TRMT44: variants seen among roughly 807,000 people sequenced by gnomAD.
The protein encoded by TRMT44 is tRNA methyltransferase 44 homolog.
In TRMT44, 78 loss-of-function variants were observed where a neutral mutation model predicts 77.3. The ratio of observed to expected loss-of-function variants is 1.01; its 90% CI spans 0.84 to 1.22. The LOEUF (loss-of-function observed/expected upper bound fraction) is 1.22, where lower values mean the gene tolerates loss of function less well. Ranked by LOEUF, TRMT44 falls within the 50% of genes most tolerant of loss-of-function variation. TRMT44 has a pLI of 0.00. For synonymous variants in TRMT44, 391 were observed against 383.3 expected (o/e 1.02, Z -0.23); for missense variants, 1,090 against 964.4 (o/e 1.13, Z -1.73).
chr4:8,463,304 G>A (rs922637548), intron 6 of TRMT44, among the ~76,000 whole-genome samples: 7 of 152,124 alleles, frequency 4.6e-5, no homozygotes, highest in African/African-American at 1.7e-4. Context: ...AATTAGTGAT[G>A]GCCTGCTGAT....
the TRMT44 span, among the ~76,000 whole-genome samples, chr4:8,500,852 A>G: frequency 2.0e-5 from 3 of 152,068 alleles, no homozygotes; most frequent in African/African-American, 7.2e-5. Flanking sequence ...GTAGAGACGG[A>G]GGTTTCACCA....
rs147464222 is a variant in TRMT44, at chr4:8,475,956, G to A, written c.2229G>A (p.Ala743=). Residue 743 remains alanine (A), a synonymous_variant, in exon 11 of 11, where the codon GCG becomes GCA. Transcript: ENST00000389737. ...TDCCPFAHGP[A]ELRPPRTTPR... is the part of the protein sequence containing the mutation. ...GCTGCCCGTTTGCCCATGGGCCTGC[G>A]GAGCTGCGGCCACCCCGGACCACCC... is the stretch of plus-strand genomic sequence containing the variant. 2.6e-4 allele frequency: 419 copies of A among 1,614,102 alleles called. 1 individual carries two copies. Among genetic ancestry groups the A allele is most frequent in the Admixed American group, 5.5e-4 (33 of 60,030 alleles).
chr4:8,512,248 G>A, the TRMT44 span: 1 of 152,112 alleles, frequency 6.6e-6, no homozygotes, highest in African/African-American at 2.4e-5. Context: ...TGTATTTTTA[G>A]TAGAGACAGG....
rs778153091 is a variant in TRMT44 at position 8,465,406 on chromosome 4, C to T, written c.1339C>T (p.Leu447Phe). 2.5e-6 allele frequency: 4 copies of T among 1,613,190 alleles called. No individual in the cohort carries two copies. ...TTCCTACAATTGCCGCTTCTTTGTC[C>T]TCCCCTGCTGCTTCTTTGACTTCAT... The part of the protein sequence containing the change: ...RSSYNCRFFV[L>F]PCCFFDFIGR... Residue 447 changes from leucine (L) to phenylalanine (F), a missense_variant, in exon 8 of 11, where the codon CTC (leucine) becomes TTC (phenylalanine). Transcript: ENST00000389737.
downstream of TRMT44, among the ~76,000 whole-genome samples, chr4:8,495,540 A>G (rs564535183): frequency 2.0e-5 from 3 of 152,350 alleles, no homozygotes; most frequent in Non-Finnish European, 2.9e-5. Context: ...AAGTGGGTCA[A>G]CTAAATACAA....
rs1560237205 is a variant in TRMT44, at chr4:8,468,209, GTGTGAGGAAC to G, written c.1795_1804del (p.Arg599ProfsTer15). On this transcript the variant is annotated frameshift_variant, in exon 9 of 11. Transcript: ENST00000389737. LOFTEE classifies it high-confidence loss of function. The stretch of plus-strand genomic sequence containing the variant: ...TTTCATCCCAGAGAAAAGGCTGAGC[GTGTGAGGAAC>G]TGTGCCGCCCTGCCACGAGATTTTA... The G allele has an allele frequency of 6.2e-7, 1 of 1,614,262 alleles. No homozygotes were observed. The highest frequency in any genetic ancestry group is 2.2e-5 in the East Asian group (1 of 44,888).
At chr4:8,481,067 A>C (rs1487749670), downstream of TRMT44, among the ~76,000 whole-genome samples, 1 of 152,224 alleles carries the variant, frequency 6.6e-6, no homozygotes, top group African/African-American at 2.4e-5. Context: ...AATAGGAAAC[A>C]GTTGTCATCT....
In TRMT44 at chr4:8,444,236, C is replaced by T. The variant is rs981138560; in HGVS notation, c.620-2240C>T. Among the ~76,000 whole-genome samples, 7 of 150,336 alleles carry T rather than the reference C, an allele frequency of 4.7e-5. No individual in the cohort carries two copies. Among genetic ancestry groups the T allele is most frequent in the East Asian group, 2.0e-4 (1 of 5,082 alleles). On this transcript the variant is annotated intron_variant, in intron 1 of 10. Coordinates refer to ENST00000389737, the MANE Select transcript of TRMT44 (RefSeq NM_152544.3). This position sits in a 1 kb window ranked among gnomAD's most constrained non-coding sequence, Gnocchi z 4.0. The stretch of plus-strand genomic sequence containing the variant: ...GTTTAAAAATCAAAACAATGGAACT[C>T]GTGGACATAGAGAGTGGAAGGATGG...
In TRMT44 at chr4:8,449,679, G is replaced by A; in HGVS notation, c.745G>A (p.Val249Ile). ...CTCTTATTTTTAAAGGTTCATATCT[G>A]TTTTAATTTTCTGTCCAGAAAGATG... ...SHSKEEWFISVLIFCPERWHS... is the reference protein window; with the variant it reads ...SHSKEEWFISILIFCPERWHS... Residue 249 changes from valine to isoleucine, a missense_variant, in exon 3 of 11, where the codon GTT becomes ATT. Coordinates refer to ENST00000389737, the MANE Select transcript of TRMT44 (RefSeq NM_152544.3). 2 of 1,535,448 alleles carry A rather than the reference G, an allele frequency of 1.3e-6. No homozygotes were observed. The highest frequency in any genetic ancestry group is 1.2e-5 in the South Asian group (1 of 84,014).
At chr4:8,498,897 C>T in the TRMT44 span, among the ~76,000 whole-genome samples, 4 of 152,118 alleles carry the variant, frequency 2.6e-5, no homozygotes, top group Non-Finnish European at 5.9e-5. The surrounding 1 kb of genome is among the most constrained non-coding windows in gnomAD (Gnocchi z 4.3). Context: ...CTATATTTGT[C>T]GGGGACTGGT....
At position 8,446,711 on chromosome 4, in the gene TRMT44, G is replaced by C; in HGVS notation, c.734+121G>C. 1.6e-6 allele frequency: 1 copy of C among 643,856 alleles called. No homozygotes were observed. Among genetic ancestry groups the C allele is most frequent in the Non-Finnish European group, 2.6e-6 (1 of 385,312 alleles). 39.9% of individuals were successfully genotyped at this position (643,856 alleles called of 1,614,324 possible). ...GTCTCTGAGGTGGTTATGGTTTGTA[G>C]GAATGCAGTTGCTAGCTTATGTGCC... is the stretch of plus-strand genomic sequence containing the variant. On this transcript the variant is annotated intron_variant, in intron 2 of 10. Coordinates refer to ENST00000389737, the MANE Select transcript of TRMT44 (RefSeq NM_152544.3). This position sits in a 1 kb window ranked among gnomAD's most constrained non-coding sequence, Gnocchi z 4.3.
chr4:8,467,844 G>C, intron 8 of TRMT44, 70 bp from the exon 9 acceptor site: 3 of 1,454,728 alleles, frequency 2.1e-6, no homozygotes, highest in Non-Finnish European at 2.8e-6. Context: ...TCCAGGATGA[G>C]AGAATTCCAT....
chr4:8,451,995 G>C lies in TRMT44; in HGVS notation c.990G>C (p.Val330=). Residue 330 remains valine (V), a synonymous_variant, in exon 4 of 11, where the codon GTG becomes GTC. Transcript: ENST00000389737. The surrounding 1 kb of genome is among the most constrained non-coding windows in gnomAD (Gnocchi z 4.1). ...AAGTCACTGATCCTGAGAAGTTCGT[G>C]TATGAAGATGTGGCTATCGCAGCAT... ...WPEVTDPEKF[V]YEDVAIAAYL... is the part of the protein sequence containing the mutation. 1 of 1,536,792 alleles carries C rather than the reference G, an allele frequency of 6.5e-7. No homozygotes were observed. The highest frequency in any genetic ancestry group is 8.7e-7 in the Non-Finnish European group (1 of 1,147,046).
chr4:8,462,271 T>C (rs1461637437), intron 6 of TRMT44, among the ~76,000 whole-genome samples: 1 of 151,850 alleles, frequency 6.6e-6, no homozygotes, highest in African/African-American at 2.4e-5. Flanking sequence ...ATTAGCCAGG[T>C]GAGATGGCGC....
chr4:8,482,841 C>T (rs1173647664), intron 2 of TRMT44, among the ~76,000 whole-genome samples: 5 of 142,914 alleles, frequency 3.5e-5, no homozygotes, highest in East Asian at 2.1e-4. Context: ...AGAGGCCTGA[C>T]ATTCCTGCCT....
chr4:8,508,608 G>A, the TRMT44 span, among the ~76,000 whole-genome samples: 1 of 152,238 alleles, frequency 6.6e-6, no homozygotes, highest in African/African-American at 2.4e-5. Flanking sequence ...CTTCATGGCC[G>A]GGGTCTGGCT....
intron 6 of TRMT44, among the ~76,000 whole-genome samples, chr4:8,459,505 T>C (rs563854586): frequency 6.6e-6 from 1 of 152,340 alleles, no homozygotes; most frequent in South Asian, 2.1e-4. Context: ...TACTCAGCTC[T>C]TCTGTTCTTG....
At chr4:8,473,887 A>C (rs1327638060) in intron 10 of TRMT44, among the ~76,000 whole-genome samples, 1 of 151,954 alleles carries the variant, frequency 6.6e-6, no homozygotes, top group Non-Finnish European at 1.5e-5. Context: ...AGACACGGGG[A>C]GTGGGTCAGT....
In TRMT44 at chr4:8,475,968, A is replaced by T. The variant is rs919510176; in HGVS notation, c.2241A>T (p.Pro747=). 6.2e-7 allele frequency: 1 copy of T among 1,613,824 alleles called. No individual in the cohort carries two copies. Among genetic ancestry groups the T allele is most frequent in the African/African-American group, 1.3e-5 (1 of 74,888 alleles). ...CCCATGGGCCTGCGGAGCTGCGGCC[A>T]CCCCGGACCACCCCGAGGAAGAAGA... ...PFAHGPAELR[P]PRTTPRKKIS is the part of the protein sequence containing the mutation. The change falls in exon 11 of 11, where the codon CCA becomes CCT. Residue 747 remains proline (P), a synonymous_variant. Coordinates refer to ENST00000389737, the MANE Select transcript of TRMT44 (RefSeq NM_152544.3).
Sources: gnomAD v4.1 joint callset for allele counts (sites outside exome capture counted in the v4.1 genomes callset) on GRCh38, gnomAD v4.1.1 for gene constraint, Gnocchi (gnomAD v3.1) non-coding constraint, MANE v1.5 for transcripts, NCBI Gene and HGNC (gene_info 2026-07-23, HGNC 2026-07-21) for gene names.